The following HECW1 variants were observed in gnomAD, a reference collection of about 807,000 sequenced individuals.
HECW1 encodes the protein E3 ubiquitin-protein ligase HECW1.
HECW1 carries 61 observed loss-of-function variants against 182.3 expected under a neutral mutation model. The observed-to-expected ratio is 0.33, with a 90% confidence interval of 0.27 to 0.41. The LOEUF (loss-of-function observed/expected upper bound fraction) is 0.41, where lower values mean the gene tolerates loss of function less well. Among genes scored for constraint, HECW1 ranks in the 10% least tolerant of loss-of-function variants. The pLI, the probability that HECW1 is intolerant of heterozygous loss-of-function variation, is 1.00. For synonymous variants in HECW1, 859 were observed against 832.6 expected, an observed-to-expected ratio of 1.03 and a Z score of -0.55; for missense variants, 1,739 against 2,108.9, an observed-to-expected ratio of 0.82 and a Z score of 3.44.
At chr7:43,478,119 A>G (rs1262118469) in intron 16 of HECW1, among the ~76,000 whole-genome samples, 1 of 152,242 alleles carries the variant, frequency 6.6e-6, no homozygotes, top group Non-Finnish European at 1.5e-5. Flanking sequence ...ACAAGGATTT[A>G]TATTCGAGAG....
intron 2 of HECW1, among the ~76,000 whole-genome samples, chr7:43,117,408 G>A (rs1180455388): frequency 6.6e-6 from 1 of 151,878 alleles, no homozygotes; most frequent in African/African-American, 2.4e-5. Context: ...CCATATGCCA[G>A]TAGTACACTG....
At chr7:43,225,730 G>A (rs531353449) in intron 2 of HECW1, among the ~76,000 whole-genome samples, 56 of 151,854 alleles carry the variant, frequency 3.7e-4, no homozygotes, top group African/African-American at 1.4e-3. Context: ...AAATGCTGCT[G>A]ATTTTCTATG....
Position 43,444,699 on chromosome 7 carries a change from G to A in HECW1, c.1527G>A (p.Glu509=), listed in dbSNP as rs375038744. Residue 509 remains glutamate, a synonymous_variant, in exon 11 of 30, where the codon GAG becomes GAA. Coordinates refer to ENST00000395891, the MANE Select transcript of HECW1 (RefSeq NM_015052.5). The surrounding 1 kb of genome is among the most constrained non-coding windows in gnomAD (Gnocchi z 4.3). ...AAGAGGAGAAGGAGCAGGAGGAGGA[G>A]GGAGATGTGTCTACCCTGGAGCAGG... The part of the protein sequence containing the change: ...REEEEKEQEE[E]GDVSTLEQGE... 25 of 1,609,030 alleles carry A rather than the reference G, an allele frequency of 1.6e-5. No individual in the cohort carries two copies. In the African/African-American group the frequency reaches 2.9e-4, roughly 19 times the overall value.
At chr7:43,546,964 G>A (rs1323373330) in intron 26 of HECW1, among the ~76,000 whole-genome samples, 1 of 152,132 alleles carries the variant, frequency 6.6e-6, no homozygotes, top group African/African-American at 2.4e-5. Context: ...TTAAAAACCT[G>A]TACAGGCCGA....
At chr7:43,309,829 C>A (rs1308074505) in intron 3 of HECW1, among the ~76,000 whole-genome samples, 1 of 152,200 alleles carries the variant, frequency 6.6e-6, no homozygotes, top group Non-Finnish European at 1.5e-5. Flanking sequence ...AGTGACGGAG[C>A]CTGGCTGAGT....
chr7:43,325,751 G>A (rs1017978574), intron 5 of HECW1, among the ~76,000 whole-genome samples: 8 of 151,994 alleles, frequency 5.3e-5, no homozygotes, highest in Admixed American at 4.6e-4. Context: ...CACTCATCCC[G>A]GATCCCACCT....
rs548248387 is a variant in HECW1 at position 43,213,863 on chromosome 7, G to A, written c.-31-30012G>A. Among the ~76,000 whole-genome samples, 240 of 152,230 alleles carry A rather than the reference G, an allele frequency of 1.6e-3. 2 individuals carry two copies. The highest frequency in any genetic ancestry group is 2.5e-3 in the Non-Finnish European group (171 of 68,012). On this transcript the variant is annotated intron_variant, in intron 2 of 29. Transcript: ENST00000395891. ...AGCTATAGCATTAGGAAGAAATTTTGTTGGGGACTTAGAATGGGAATATGA... is the reference window on the plus strand; with the variant it reads ...AGCTATAGCATTAGGAAGAAATTTTATTGGGGACTTAGAATGGGAATATGA...
At chr7:43,317,054 T>A (rs1335606032) in intron 4 of HECW1, among the ~76,000 whole-genome samples, 2 of 151,958 alleles carry the variant, frequency 1.3e-5, no homozygotes, top group African/African-American at 4.8e-5. Context: ...AAAATAGGGA[T>A]AAATACTATA....
intron 5 of HECW1, among the ~76,000 whole-genome samples, chr7:43,352,276 A>C (rs1814567483): frequency 1.3e-5 from 2 of 152,248 alleles, no homozygotes; most frequent in Admixed American, 6.5e-5. Context: ...TAAACAATGA[A>C]TAATATTTTT....
At chr7:43,425,304 T>TGATA (rs60651990) in intron 8 of HECW1, among the ~76,000 whole-genome samples, 35,996 of 148,172 alleles carry the variant, frequency 0.24, 4,583 homozygotes, top group Non-Finnish European at 0.28. Context: ...GATAGATAGA[T>TGATA]GATAGATAGA....
intron 12 of HECW1, among the ~76,000 whole-genome samples, chr7:43,454,916 T>C (rs998714824): frequency 1.3e-5 from 2 of 152,212 alleles, no homozygotes; most frequent in Admixed American, 6.5e-5. Context: ...CTTGTGCATT[T>C]TCAGCATAAC....
chr7:43,378,575 C>T (rs933356415), intron 6 of HECW1, among the ~76,000 whole-genome samples: 3 of 152,144 alleles, frequency 2.0e-5, no homozygotes, highest in African/African-American at 7.2e-5. Flanking sequence ...GAGGCCAAGG[C>T]GGGTGGATCA....
chr7:43,546,070 T>G (rs907572384), intron 26 of HECW1, among the ~76,000 whole-genome samples: 1 of 135,248 alleles, frequency 7.4e-6, no homozygotes, highest in African/African-American at 2.8e-5. Flanking sequence ...TGGCACTGCT[T>G]CTTCTAGATC....
intron 4 of HECW1, 79 bp downstream of exon 4, chr7:43,312,166 A>C (rs1334332307): frequency 8.0e-7 from 1 of 1,248,770 alleles, no homozygotes; most frequent in East Asian, 2.4e-5. Context: ...TCTACAATAT[A>C]ATTAAAATAT....
intron 5 of HECW1, among the ~76,000 whole-genome samples, chr7:43,334,086 A>G (rs1811826058): frequency 6.6e-6 from 1 of 152,208 alleles, no homozygotes; most frequent in Non-Finnish European, 1.5e-5. Flanking sequence ...CAGCCAAGTC[A>G]ATGGTTGTGC....
Position 43,543,503 on chromosome 7 carries a change from G to C in HECW1, c.4248+1505G>C, listed in dbSNP as rs185887390. Among the ~76,000 whole-genome samples the C allele has an allele frequency of 9.3e-4, 141 of 152,224 alleles. 3 individuals carry two copies. The highest frequency in any genetic ancestry group is 7.1e-3 in the Admixed American group (108 of 15,294). On this transcript the variant is annotated intron_variant, in intron 26 of 29. Transcript: ENST00000395891. ...TCAAGAATATGCTACTCATGGCTGG[G>C]CACGGTGGCTCACGCCTGTAATCCC...
intron 2 of HECW1, among the ~76,000 whole-genome samples, chr7:43,194,770 T>C (rs1166947844): frequency 6.6e-6 from 1 of 151,734 alleles, no homozygotes; most frequent in African/African-American, 2.4e-5. Context: ...CTCGGCTCAC[T>C]GCACCCTCTG....
chr7:43,364,042 A>G (rs1400954366), intron 6 of HECW1, among the ~76,000 whole-genome samples: 1 of 152,136 alleles, frequency 6.6e-6, no homozygotes, highest in Non-Finnish European at 1.5e-5. Context: ...GTCAACTTCT[A>G]GGTTGAGGAT....
At chr7:43,130,517 G>C (rs1468521272) in intron 2 of HECW1, among the ~76,000 whole-genome samples, 3 of 152,114 alleles carry the variant, frequency 2.0e-5, no homozygotes, top group Non-Finnish European at 4.4e-5. Context: ...CTCAGAATTT[G>C]TATGCTACAA....
Sources: gnomAD v4.1 joint callset for allele counts (sites outside exome capture counted in the v4.1 genomes callset) on GRCh38, gnomAD v4.1.1 for gene constraint, Gnocchi (gnomAD v3.1) non-coding constraint, MANE v1.5 for transcripts, NCBI Gene and HGNC (gene_info 2026-07-23, HGNC 2026-07-21) for gene names.